MARCHF1: variants seen among roughly 807,000 people sequenced by gnomAD.
The protein encoded by MARCHF1 is E3 ubiquitin-protein ligase MARCHF1.
MARCHF1 carries 40 observed loss-of-function variants against 54.2 expected under a neutral mutation model. The ratio of observed to expected loss-of-function variants is 0.74; its 90% CI spans 0.57 to 0.96. MARCHF1 has a LOEUF of 0.96. Ranked by LOEUF, MARCHF1 falls within the 40% of genes least tolerant of loss-of-function variation. The pLI is 0.00. For missense variants in MARCHF1, 586 were observed against 656.5 expected (o/e 0.89, Z 1.17); for synonymous variants, 236 against 236.3 (o/e 1.00, Z 0.01).
intron 3 of MARCHF1, among the ~76,000 whole-genome samples, chr4:163,874,493 C>G (rs184923659): frequency 2.3e-4 from 33 of 146,260 alleles, no homozygotes; most frequent in African/African-American, 8.0e-4. Context: ...ATGGGTTCCT[C>G]CCACACTTGA....
At chr4:163,726,949 T>G (rs1331004746) in intron 4 of MARCHF1, among the ~76,000 whole-genome samples, 1 of 152,236 alleles carries the variant, frequency 6.6e-6, no homozygotes, top group East Asian at 1.9e-4. Context: ...AAGAGTTCTT[T>G]GTGCATTTTG....
intron 8 of MARCHF1, among the ~76,000 whole-genome samples, chr4:163,580,771 T>A (rs965236453): frequency 6.6e-6 from 1 of 152,098 alleles, no homozygotes; most frequent in Non-Finnish European, 1.5e-5. Flanking sequence ...AAGATTTCCA[T>A]CAGGAATGAT....
chr4:164,381,858 G>A (rs965118975), intron 1 of MARCHF1, among the ~76,000 whole-genome samples: 2 of 152,054 alleles, frequency 1.3e-5, no homozygotes, highest in African/African-American at 4.8e-5. Context: ...TTAGAAAGAC[G>A]ACTTCAGATA....
intron 2 of MARCHF1, among the ~76,000 whole-genome samples, chr4:163,997,382 CAGTT>C (rs1753097060): frequency 6.6e-6 from 1 of 152,034 alleles, no homozygotes; most frequent in Non-Finnish European, 1.5e-5. Context: ...CATAGTCCAA[CAGTT>C]AGAGGTCCAT....
chr4:164,049,913 A>G (rs1273913906), intron 2 of MARCHF1, among the ~76,000 whole-genome samples: 1 of 152,214 alleles, frequency 6.6e-6, no homozygotes, highest in Non-Finnish European at 1.5e-5. Context: ...CTGGATTTAC[A>G]TTGTCAAATG....
Position 163,528,720 on chromosome 4 carries a change from T to C in MARCHF1, c.*28A>G. On this transcript the variant is annotated 3_prime_UTR_variant, in exon 10 of 10. Transcript: ENST00000514618. ...TGGCTGAGGGCTAGAAAGATATTCT[T>C]CGGTGAAGAAACTCCCAACAGGTTC... 1 of 1,577,196 alleles carries C rather than the reference T, an allele frequency of 6.3e-7. No individual in the cohort carries two copies. Among genetic ancestry groups the C allele is most frequent in the Non-Finnish European group, 8.6e-7 (1 of 1,160,282 alleles).
intron 2 of MARCHF1, among the ~76,000 whole-genome samples, chr4:164,023,474 T>C (rs1224192864): frequency 1.3e-5 from 2 of 152,126 alleles, no homozygotes; most frequent in African/African-American, 4.8e-5. Flanking sequence ...AAAAATATTC[T>C]GCCAATATAG....
At chr4:164,314,552 C>T (rs1378840119) in intron 1 of MARCHF1, among the ~76,000 whole-genome samples, 1 of 152,178 alleles carries the variant, frequency 6.6e-6, no homozygotes. Flanking sequence ...CAGGCATACA[C>T]TTGAAAGTGA....
At chr4:163,804,513 C>G (rs1748171735) in intron 4 of MARCHF1, among the ~76,000 whole-genome samples, 2 of 152,026 alleles carry the variant, frequency 1.3e-5, no homozygotes, top group Admixed American at 1.3e-4. Context: ...AAATATTGAA[C>G]TAAAAGAATA....
intron 4 of MARCHF1, among the ~76,000 whole-genome samples, chr4:163,823,441 C>T (rs1748755962): frequency 6.6e-6 from 1 of 151,716 alleles, no homozygotes; most frequent in African/African-American, 2.4e-5. Context: ...ACTCTAAATA[C>T]CTTGCCTTGT....
chr4:163,630,183 T>C (rs1157217470), intron 5 of MARCHF1, among the ~76,000 whole-genome samples: 1 of 152,174 alleles, frequency 6.6e-6, no homozygotes, highest in Non-Finnish European at 1.5e-5. Flanking sequence ...AAACTGTAAA[T>C]AACCAAGATC....
At chr4:163,940,337 A>G (rs888904144) in intron 3 of MARCHF1, among the ~76,000 whole-genome samples, 33 of 152,266 alleles carry the variant, frequency 2.2e-4, no homozygotes, top group African/African-American at 7.5e-4. Flanking sequence ...ATTTATTTAA[A>G]TATTCTATTT....
chr4:164,218,565 C>G (rs2111140890), intron 1 of MARCHF1, among the ~76,000 whole-genome samples: 1 of 152,026 alleles, frequency 6.6e-6, no homozygotes, highest in African/African-American at 2.4e-5. Context: ...ATGGATGAAG[C>G]TGGAAACCAT....
intron 1 of MARCHF1, among the ~76,000 whole-genome samples, chr4:164,121,145 T>C (rs550532458): frequency 1.1e-3 from 160 of 152,236 alleles, no homozygotes; most frequent in African/African-American, 3.8e-3. Flanking sequence ...ATATTACAAG[T>C]GATACTTCAG....
chr4:163,719,564 TCAA>T (rs1171448868), intron 4 of MARCHF1, among the ~76,000 whole-genome samples: 1 of 152,158 alleles, frequency 6.6e-6, no homozygotes, highest in African/African-American at 2.4e-5. Flanking sequence ...GATGGCTGGG[TCAA>T]ATGGTATTTC....
Position 163,680,948 on chromosome 4 carries a change from A to C in MARCHF1, c.162+19865T>G, listed in dbSNP as rs560340877. On this transcript the variant is annotated intron_variant, in intron 5 of 9. Transcript: ENST00000514618. The stretch of plus-strand genomic sequence containing the variant: ...AGCACTGTGTCTAATACATACATAC[A>C]TACACACATATATATTATTGAGTAC... Among the ~76,000 whole-genome samples the C allele has an allele frequency of 2.0e-5, 3 of 151,340 alleles. No individual in the cohort carries two copies. In the South Asian group the frequency reaches 6.2e-4, roughly 31 times the overall value.
At chr4:163,980,900 G>T (rs10000599) in intron 3 of MARCHF1, among the ~76,000 whole-genome samples, 1 of 152,056 alleles carries the variant, frequency 6.6e-6, no homozygotes, top group East Asian at 1.9e-4. Flanking sequence ...ATAGATCTAA[G>T]TCTGTACATG....
intron 2 of MARCHF1, among the ~76,000 whole-genome samples, chr4:164,034,698 A>G (rs1753956422): frequency 6.6e-6 from 1 of 152,186 alleles, no homozygotes; most frequent in Admixed American, 6.5e-5. Flanking sequence ...AATAACAGTT[A>G]TAGTAAATAT....
At chr4:163,680,906 T>A (rs950060050) in intron 5 of MARCHF1, among the ~76,000 whole-genome samples, 2 of 151,894 alleles carry the variant, frequency 1.3e-5, no homozygotes, top group Non-Finnish European at 2.9e-5. Flanking sequence ...GGCTCATCAT[T>A]GTATTTCTAG....
Sources: gnomAD v4.1 joint callset for allele counts (sites outside exome capture counted in the v4.1 genomes callset) on GRCh38, gnomAD v4.1.1 for gene constraint, MANE v1.5 for transcripts, NCBI Gene and HGNC (gene_info 2026-07-23, HGNC 2026-07-21) for gene names.